Variants in GALK2 observed in about 807,000 individuals in gnomAD.
GALK2 encodes the protein galactokinase 2.
Under a neutral mutation model 52.4 loss-of-function variants are expected in GALK2, and 36 were observed. That is an observed-to-expected ratio of 0.69 (90% confidence interval 0.53 to 0.91). The LOEUF (loss-of-function observed/expected upper bound fraction) is 0.91, where lower values mean the gene tolerates loss of function less well. GALK2 is among the 40% of genes least tolerant of loss of function. The pLI is 0.00. For missense variants in GALK2, 579 were observed against 559.1 expected (o/e 1.04, Z -0.36); for synonymous variants, 176 against 199.1 (o/e 0.88, Z 0.98).
At chr15:49,200,841 A>G (rs528611110) in intron 1 of GALK2, among the ~76,000 whole-genome samples, 11 of 152,336 alleles carry the variant, frequency 7.2e-5, no homozygotes, top group Non-Finnish European at 1.2e-4. Flanking sequence ...CCAAAAAAGT[A>G]TACAGAAACT....
At chr15:49,242,633 A>G (rs574730239) in intron 5 of GALK2, among the ~76,000 whole-genome samples, 42 of 152,358 alleles carry the variant, frequency 2.8e-4, no homozygotes, top group South Asian at 6.2e-4. Context: ...TAATAAGTAG[A>G]TGTGGAACTT....
At chr15:49,261,858 G>A (rs1464280266) in intron 5 of GALK2, among the ~76,000 whole-genome samples, 1 of 151,966 alleles carries the variant, frequency 6.6e-6, no homozygotes, top group African/African-American at 2.4e-5. Context: ...CTGTTTATAT[G>A]CTGGATTACA....
intron 3 of GALK2, among the ~76,000 whole-genome samples, chr15:49,337,461 CAT>C (rs1020976766): frequency 1.6e-4 from 18 of 113,364 alleles, no homozygotes; most frequent in African/African-American, 6.2e-4. Context: ...AGCATTTTTG[CAT>C]ATGTTTGTTG....
chr15:49,319,891 C>A, intron 9 of GALK2, 86 bp downstream of exon 9: 1 of 1,175,650 alleles, frequency 8.5e-7, no homozygotes, highest in Non-Finnish European at 1.2e-6. Context: ...TCATAATCTA[C>A]GGGAATGAAG....
chr15:49,255,395 GTTTAC>G lies in GALK2; in HGVS notation c.504+16033_504+16037del, dbSNP rs1410843442. ...ATTTAGTTTTTTTTTCATTTTTTTA[GTTTAC>G]TTTATTTTAGAACAGTTCCCCAGCA... On this transcript the variant is annotated intron_variant, in intron 5 of 9. Coordinates refer to ENST00000560031, the MANE Select transcript of GALK2 (RefSeq NM_002044.4). 2.1e-4 allele frequency among the ~76,000 whole-genome samples: 30 copies of G among 141,038 alleles called. No individual in the cohort carries two copies. In the East Asian group the frequency reaches 5.8e-3, roughly 27 times the overall value. The allele number at this position is 141,038 out of a possible 152,430, so 92.5% of individuals were successfully genotyped here.
intron 2 of GALK2, among the ~76,000 whole-genome samples, chr15:49,208,133 T>C (rs1423548190): frequency 6.6e-6 from 1 of 152,210 alleles, no homozygotes; most frequent in East Asian, 1.9e-4. Flanking sequence ...TTTGTTTGTT[T>C]GTTTGTTTCA....
chr15:49,365,858 A>C (rs2045079768), intron 3 of GALK2: 1 of 904,748 alleles, frequency 1.1e-6, no homozygotes, highest in South Asian at 1.3e-5. Flanking sequence ...TCAATTGTGC[A>C]TTGTCCATAT....
downstream of GALK2, among the ~76,000 whole-genome samples, chr15:49,335,691 G>A (rs2039584305): frequency 6.6e-6 from 1 of 152,144 alleles, no homozygotes; most frequent in Admixed American, 6.5e-5. Context: ...TTAAACTTGT[G>A]TCCCATTATC....
chr15:49,264,974 T>C (rs1382255057), intron 5 of GALK2, among the ~76,000 whole-genome samples: 1 of 152,198 alleles, frequency 6.6e-6, no homozygotes, highest in Non-Finnish European at 1.5e-5. Context: ...GAGGTGTCAG[T>C]CTGCCCCTAC....
At chr15:49,306,413 C>T (rs1398461839) in intron 8 of GALK2, among the ~76,000 whole-genome samples, 4 of 152,058 alleles carry the variant, frequency 2.6e-5, no homozygotes, top group South Asian at 2.1e-4. Context: ...TATTAGAAGT[C>T]AGTAAGGCCA....
At chr15:49,293,143 G>A (rs2034111160) in intron 8 of GALK2, among the ~76,000 whole-genome samples, 1 of 152,144 alleles carries the variant, frequency 6.6e-6, no homozygotes, top group African/African-American at 2.4e-5. Flanking sequence ...TTAAGATCCA[G>A]TTGCCCTTAG....
chr15:49,168,456 C>T (rs1320199349), upstream of GALK2, among the ~76,000 whole-genome samples: 2 of 152,168 alleles, frequency 1.3e-5, no homozygotes, highest in Non-Finnish European at 2.9e-5. Context: ...CGGTGGCTCA[C>T]ACCTTTAATC....
At chr15:49,285,602 T>G (rs1292646979) in intron 7 of GALK2, among the ~76,000 whole-genome samples, 1 of 152,216 alleles carries the variant, frequency 6.6e-6, no homozygotes, top group Non-Finnish European at 1.5e-5. Flanking sequence ...TCCCATGCCT[T>G]ATTGACCATC....
At position 49,319,734 on chromosome 15, in the gene GALK2, G is replaced by C; in HGVS notation, c.1098G>C (p.Gln366His). ...AGCTGCTGGGAGAGTTGATGAACCA[G>C]AGCCACATGAGCTGCCGGGACATGT... ...MVQLLGELMN[Q>H]SHMSCRDMYE... Residue 366 changes from glutamine to histidine, a missense_variant, in exon 9 of 10, where the codon CAG becomes CAC. Transcript: ENST00000560031. 6.2e-7 allele frequency: 1 copy of C among 1,614,132 alleles called. No individual in the cohort carries two copies. The highest frequency in any genetic ancestry group is 1.3e-5 in the African/African-American group (1 of 75,034).
chr15:49,345,537 C>T (rs1192551088), intron 3 of GALK2, among the ~76,000 whole-genome samples: 2 of 152,124 alleles, frequency 1.3e-5, no homozygotes, highest in Non-Finnish European at 2.9e-5. Flanking sequence ...ATACTTAGAC[C>T]ATATACATTA....
intron 7 of GALK2, among the ~76,000 whole-genome samples, chr15:49,290,341 A>C (rs2033812395): frequency 6.6e-6 from 1 of 152,178 alleles, no homozygotes; most frequent in Non-Finnish European, 1.5e-5. Context: ...TTTCATCCTT[A>C]ATTGAAATAC....
At chr15:49,357,035 A>G (rs2151362948) in intron 3 of GALK2, among the ~76,000 whole-genome samples, 1 of 151,690 alleles carries the variant, frequency 6.6e-6, no homozygotes, top group Non-Finnish European at 1.5e-5. Context: ...TTTGAAACCA[A>G]CGAGAACAAA....
intron 3 of GALK2, among the ~76,000 whole-genome samples, chr15:49,341,357 TAACAA>T (rs944723724): frequency 2.6e-5 from 4 of 152,206 alleles, no homozygotes; most frequent in African/African-American, 9.6e-5. Flanking sequence ...ATGGCAAGTT[TAACAA>T]TATTGATTCT....
At chr15:49,228,669 A>G (rs1349720969) in intron 3 of GALK2, among the ~76,000 whole-genome samples, 1 of 8,632 alleles carries the variant, frequency 1.2e-4, no homozygotes, top group African/African-American at 6.0e-4. Context: ...TGATATATAT[A>G]TATATATATA....
Sources: allele counts gnomAD v4.1 joint callset (sites outside exome capture counted in the v4.1 genomes callset), GRCh38; gene constraint gnomAD v4.1.1; transcripts MANE v1.5; gene names NCBI Gene and HGNC (gene_info 2026-07-23, HGNC 2026-07-21).